CNTNAP2: variants seen among roughly 807,000 people sequenced by gnomAD.
CNTNAP2 encodes the protein contactin-associated protein-like 2.
In CNTNAP2, 98 loss-of-function variants were observed where a neutral mutation model predicts 155.2. The observed-to-expected ratio is 0.63, with a 90% confidence interval of 0.54 to 0.75. The LOEUF (loss-of-function observed/expected upper bound fraction) is 0.75, where lower values mean the gene tolerates loss of function less well. Ranked by LOEUF, CNTNAP2 falls within the 30% of genes least tolerant of loss-of-function variation. The pLI is 0.00. For missense variants in CNTNAP2, 1,727 were observed against 1,688.1 expected, an observed-to-expected ratio of 1.02 and a Z score of -0.40; for synonymous variants, 651 against 631.2, an observed-to-expected ratio of 1.03 and a Z score of -0.47.
chr7:146,520,307 T>A (rs1055477962), intron 1 of CNTNAP2, among the ~76,000 whole-genome samples: 1 of 62,350 alleles, frequency 1.6e-5, no homozygotes, highest in Non-Finnish European at 3.3e-5. Context: ...GATATCTAGA[T>A]ATATTCATAT....
At chr7:147,308,788 T>TGA (rs1295776850) in intron 9 of CNTNAP2, among the ~76,000 whole-genome samples, 1 of 152,202 alleles carries the variant, frequency 6.6e-6, no homozygotes, top group Non-Finnish European at 1.5e-5. Context: ...TAGTTTCTTT[T>TGA]GATGGGTTCT....
At chr7:146,770,478 T>G (rs1050061611) in intron 1 of CNTNAP2, among the ~76,000 whole-genome samples, 10 of 151,996 alleles carry the variant, frequency 6.6e-5, no homozygotes, top group Admixed American at 2.6e-4. Context: ...TATAATATGA[T>G]TATAGATTAT....
At position 146,334,212 on chromosome 7, in the gene CNTNAP2, A is replaced by C. The variant is rs191849316; in HGVS notation, c.97+217239A>C. Among the ~76,000 whole-genome samples the C allele has an allele frequency of 1.1e-4, 17 of 152,244 alleles. No individual in the cohort carries two copies. The East Asian group carries it at 3.3e-3, about 29-fold the overall frequency. Reference sequence around the variant, plus strand: ...TTTGGGAGGCTGAGGAAAGCAGATTAGGAGGTCAGGAGATCGAGACCATCC... The same window carrying C: ...TTTGGGAGGCTGAGGAAAGCAGATTCGGAGGTCAGGAGATCGAGACCATCC... On this transcript the variant is annotated intron_variant, in intron 1 of 23. Coordinates refer to ENST00000361727, the MANE Select transcript of CNTNAP2 (RefSeq NM_014141.6).
rs1800893400 is a variant in CNTNAP2 at position 146,315,609 on chromosome 7, C to T, written c.97+198636C>T. 2.6e-5 allele frequency among the ~76,000 whole-genome samples: 4 copies of T among 152,184 alleles called. No homozygotes were observed. In the South Asian group the frequency reaches 8.3e-4, roughly 32 times the overall value. On this transcript the variant is annotated intron_variant, in intron 1 of 23. Transcript: ENST00000361727. ...TGTGGGAGGAGGGAGCATCAAGAGT[C>T]TCCTCTCTGCCACCTTGCTGACTTC... is the stretch of plus-strand genomic sequence containing the variant.
At chr7:147,857,283 C>G (rs1251659704) in intron 13 of CNTNAP2, among the ~76,000 whole-genome samples, 1 of 152,138 alleles carries the variant, frequency 6.6e-6, no homozygotes, top group Non-Finnish European at 1.5e-5. Context: ...TGTCTCCGTG[C>G]AAGATGTATG....
At position 147,836,979 on chromosome 7, in the gene CNTNAP2, ATAAG is replaced by A. The variant is rs57498135; in HGVS notation, c.2099-66581_2099-66578del. Among the ~76,000 whole-genome samples the A allele has an allele frequency of 3.3e-3, 503 of 152,350 alleles. 2 individuals are homozygous for A. The highest frequency in any genetic ancestry group is 0.011 in the African/African-American group (478 of 41,580). On this transcript the variant is annotated intron_variant, in intron 13 of 23. Transcript: ENST00000361727. ...GCTTTGTCCCAAAGGCATTTCATAA[ATAAG>A]TAAGCATAGCTAAAAGGGACTCAAA...
intron 5 of CNTNAP2, among the ~76,000 whole-genome samples, chr7:147,111,604 G>A (rs1251550113): frequency 6.6e-6 from 1 of 152,150 alleles, no homozygotes; most frequent in Non-Finnish European, 1.5e-5. Flanking sequence ...AGTTCTTCCA[G>A]CACCATTTAT....
chr7:148,054,688 A>T (rs1416110928), intron 15 of CNTNAP2, among the ~76,000 whole-genome samples: 1 of 152,054 alleles, frequency 6.6e-6, no homozygotes, highest in Non-Finnish European at 1.5e-5. Context: ...TAAGATCTAT[A>T]GTTCTTTGCT....
chr7:147,403,933 C>T (rs1796960503), intron 10 of CNTNAP2, among the ~76,000 whole-genome samples: 1 of 152,110 alleles, frequency 6.6e-6, no homozygotes, highest in African/African-American at 2.4e-5. Flanking sequence ...GGTCGGACAC[C>T]TCCTTTTTTC....
At position 147,160,121 on chromosome 7, in the gene CNTNAP2, A is replaced by T. The variant is rs373338151; in HGVS notation, c.1348+27612A>T. ...CTGTGACTGACAAATTGGTTTGTCA[A>T]TATCACAAGCAATTGCAAAGCGAGA... On this transcript the variant is annotated intron_variant, in intron 8 of 23. Coordinates refer to ENST00000361727, the MANE Select transcript of CNTNAP2 (RefSeq NM_014141.6). Among the ~76,000 whole-genome samples the T allele has an allele frequency of 2.8e-4, 43 of 152,236 alleles. No homozygotes were observed. In the East Asian group the frequency reaches 6.6e-3, roughly 23 times the overall value.
intron 1 of CNTNAP2, among the ~76,000 whole-genome samples, chr7:146,140,144 A>G (rs2116755206): frequency 6.6e-6 from 1 of 152,094 alleles, no homozygotes; most frequent in South Asian, 2.1e-4. Context: ...TTCCTTTTCT[A>G]TTGCTGAAGA....
At chr7:146,918,356 A>G (rs923857009) in intron 3 of CNTNAP2, among the ~76,000 whole-genome samples, 24 of 152,024 alleles carry the variant, frequency 1.6e-4, no homozygotes, top group African/African-American at 5.8e-4. Flanking sequence ...TCCTTTTAGC[A>G]GTTCTTATAG....
At chr7:146,875,917 C>T (rs1345806887) in intron 3 of CNTNAP2, among the ~76,000 whole-genome samples, 2 of 114,702 alleles carry the variant, frequency 1.7e-5, no homozygotes, top group Admixed American at 2.2e-4. Context: ...CACACACACA[C>T]ACACACACAT....
intron 9 of CNTNAP2, among the ~76,000 whole-genome samples, chr7:147,317,986 T>C (rs1795264904): frequency 1.3e-5 from 2 of 152,120 alleles, no homozygotes; most frequent in South Asian, 4.1e-4. Flanking sequence ...ATTTTAGCAA[T>C]ACTATCTCTG....
chr7:146,386,762 CTG>C (rs1383650765), intron 1 of CNTNAP2, among the ~76,000 whole-genome samples: 2 of 152,158 alleles, frequency 1.3e-5, no homozygotes. Flanking sequence ...TATATTTTCT[CTG>C]TATCATTAGT....
Position 146,348,982 on chromosome 7 carries a change from G to A in CNTNAP2, c.97+232009G>A, listed in dbSNP as rs553450353. ...TGTATTACCCTTCCTTTTTATTGTC[G>A]TGTTAATAAAGCAGTTTTAAATATA... On this transcript the variant is annotated intron_variant, in intron 1 of 23. Coordinates refer to ENST00000361727, the MANE Select transcript of CNTNAP2 (RefSeq NM_014141.6). Among the ~76,000 whole-genome samples, 88 of 151,930 alleles carry A rather than the reference G, an allele frequency of 5.8e-4. 1 individual carries two copies. In the South Asian group the frequency reaches 0.017, roughly 29 times the overall value.
intron 1 of CNTNAP2, among the ~76,000 whole-genome samples, chr7:146,383,856 A>G (rs923387056): frequency 6.6e-6 from 1 of 152,214 alleles, no homozygotes; most frequent in African/African-American, 2.4e-5. Context: ...TATCATATCT[A>G]GAGTCAGTAT....
chr7:147,686,564 T>C (rs1257483671), intron 13 of CNTNAP2, among the ~76,000 whole-genome samples: 1 of 151,718 alleles, frequency 6.6e-6, no homozygotes, highest in Admixed American at 6.6e-5. Context: ...GTAATGTAGA[T>C]AGAGAATGGG....
intron 15 of CNTNAP2, among the ~76,000 whole-genome samples, chr7:148,061,390 G>A (rs113461449): frequency 6.6e-6 from 1 of 151,820 alleles, no homozygotes; most frequent in African/African-American, 2.4e-5. Flanking sequence ...CTGTCATTCT[G>A]TCACCCATGC....
Sources: gnomAD v4.1 joint callset for allele counts (sites outside exome capture counted in the v4.1 genomes callset) on GRCh38, gnomAD v4.1.1 for gene constraint, MANE v1.5 for transcripts, NCBI Gene and HGNC (gene_info 2026-07-23, HGNC 2026-07-21) for gene names.